Variants in KCNB2 observed in about 807,000 individuals in gnomAD.
KCNB2 encodes delayed rectifier potassium channel protein.
In KCNB2, 15 loss-of-function variants were observed where a neutral mutation model predicts 61.5. The ratio of observed to expected loss-of-function variants is 0.24; its 90% confidence interval spans 0.16 to 0.38. The LOEUF (loss-of-function observed/expected upper bound fraction) is 0.38, where lower values mean the gene tolerates loss of function less well. KCNB2 is among the 10% of genes least tolerant of loss of function. The pLI is 1.00. For missense variants in KCNB2, 828 were observed against 1,125.2 expected (o/e 0.74, Z 3.78); for synonymous variants, 457 against 446.0 (o/e 1.02, Z -0.31).
intron 2 of KCNB2, among the ~76,000 whole-genome samples, chr8:72,601,626 G>C (rs1805353317): frequency 6.6e-6 from 1 of 152,180 alleles, no homozygotes; most frequent in Admixed American, 6.5e-5. Context: ...CTTGATTGAT[G>C]ACTGAACTTC....
Position 72,568,006 on chromosome 8 carries a change from G to A in KCNB2, c.272G>A (p.Arg91Gln). The change falls in exon 2 of 3, where the codon CGG becomes CAG. Residue 91 changes from arginine (R) to glutamine (Q), a missense_variant. Around this residue, in one of 4 missense-constraint regions of KCNB2, gnomAD observed 163 missense variants for 314.4 expected, o/e 0.52. Coordinates refer to ENST00000523207, the MANE Select transcript of KCNB2 (RefSeq NM_004770.3). ...NLNENEYFFD[R>Q]HPGAFTSILN... ...AACGAGAACGAGTATTTCTTTGATC[G>A]GCATCCAGGAGCCTTCACTTCCATT... 1 of 1,614,020 alleles carries A rather than the reference G, an allele frequency of 6.2e-7. No individual in the cohort carries two copies. Among genetic ancestry groups the A allele is most frequent in the Non-Finnish European group, 8.5e-7 (1 of 1,179,990 alleles).
intron 2 of KCNB2, among the ~76,000 whole-genome samples, chr8:72,639,467 G>C (rs977010114): frequency 6.6e-6 from 1 of 151,960 alleles, no homozygotes; most frequent in Non-Finnish European, 1.5e-5. Flanking sequence ...TCTACCTCTG[G>C]CTGTGAGGTT....
intron 2 of KCNB2, among the ~76,000 whole-genome samples, chr8:72,592,642 A>C (rs1381359474): frequency 6.6e-6 from 1 of 152,146 alleles, no homozygotes; most frequent in Non-Finnish European, 1.5e-5. Context: ...TCAAGAGTCA[A>C]TGTGCAATTT....
At chr8:72,740,392 C>T (rs1807930188) in intron 2 of KCNB2, among the ~76,000 whole-genome samples, 1 of 152,126 alleles carries the variant, frequency 6.6e-6, no homozygotes. Context: ...CAGCTCTCAA[C>T]GTAACTGGCT....
At chr8:72,842,123 GTTGAGAGT>G (rs1200557679) in intron 2 of KCNB2, among the ~76,000 whole-genome samples, 1 of 6,132 alleles carries the variant, frequency 1.6e-4, no homozygotes, top group East Asian at 7.0e-4. Flanking sequence ...TTTATTGAGA[GTTGAGAGT>G]TTTTAGCTTG....
At chr8:72,698,001 C>T (rs931373830) in intron 2 of KCNB2, among the ~76,000 whole-genome samples, 3 of 151,954 alleles carry the variant, frequency 2.0e-5, no homozygotes, top group African/African-American at 7.3e-5. Context: ...TTGAGAATCA[C>T]CATTCTGCAA....
intron 2 of KCNB2, among the ~76,000 whole-genome samples, chr8:72,637,614 CCT>C (rs142576066): frequency 4.0e-5 from 6 of 150,868 alleles, no homozygotes; most frequent in South Asian, 2.1e-4. Flanking sequence ...ACTGTTATAG[CCT>C]CTCTCTCTCT....
intron 2 of KCNB2, among the ~76,000 whole-genome samples, chr8:72,914,638 T>C (rs889761364): frequency 3.3e-5 from 5 of 152,166 alleles, no homozygotes; most frequent in South Asian, 2.1e-4. Context: ...CTAAACAGGA[T>C]ACTTTGATCT....
At chr8:72,762,417 T>C (rs1808396348) in intron 2 of KCNB2, among the ~76,000 whole-genome samples, 1 of 152,220 alleles carries the variant, frequency 6.6e-6, no homozygotes, top group Non-Finnish European at 1.5e-5. Flanking sequence ...TTAATGGAAT[T>C]TCACTTAGAA....
intron 2 of KCNB2, among the ~76,000 whole-genome samples, chr8:72,841,193 T>C (rs1404980606): frequency 6.6e-6 from 1 of 152,128 alleles, no homozygotes; most frequent in Admixed American, 6.5e-5. Flanking sequence ...TTGTCAGGTT[T>C]GTCAAAGATC....
At chr8:72,920,948 G>C (rs191565329) in intron 2 of KCNB2, among the ~76,000 whole-genome samples, 225 of 152,204 alleles carry the variant, frequency 1.5e-3, no homozygotes, top group Admixed American at 3.7e-3. Flanking sequence ...ATACACAGGG[G>C]TATAACAGGT....
chr8:72,683,965 A>G (rs1806806430), intron 2 of KCNB2, among the ~76,000 whole-genome samples: 1 of 152,192 alleles, frequency 6.6e-6, no homozygotes, highest in South Asian at 2.1e-4. Context: ...AATGATGGGT[A>G]GAGATTGAAG....
At chr8:72,729,298 A>AT (rs1365573447) in intron 2 of KCNB2, among the ~76,000 whole-genome samples, 2 of 152,040 alleles carry the variant, frequency 1.3e-5, no homozygotes, top group East Asian at 1.9e-4. Flanking sequence ...TCCATTTTCT[A>AT]TTTTTTTAAT....
intron 2 of KCNB2, among the ~76,000 whole-genome samples, chr8:72,692,473 T>C (rs1022762017): frequency 6.6e-6 from 1 of 152,078 alleles, no homozygotes; most frequent in Non-Finnish European, 1.5e-5. Flanking sequence ...GAATATAGTT[T>C]GTTGTTATTT....
intron 2 of KCNB2, among the ~76,000 whole-genome samples, chr8:72,914,906 CTTT>C (rs369558325): frequency 7.3e-5 from 10 of 136,218 alleles, no homozygotes; most frequent in South Asian, 2.4e-4. Context: ...GACTAATCTT[CTTT>C]TTTTTTTTTT....
intron 2 of KCNB2, among the ~76,000 whole-genome samples, chr8:72,899,383 G>T (rs1242804925): frequency 6.6e-6 from 1 of 152,122 alleles, no homozygotes; most frequent in Non-Finnish European, 1.5e-5. Flanking sequence ...CCTAGCCAGA[G>T]CAATCAGGCA....
intron 1 of KCNB2, among the ~76,000 whole-genome samples, chr8:72,547,993 T>C (rs1366736826): frequency 6.6e-6 from 1 of 152,128 alleles, no homozygotes; most frequent in Non-Finnish European, 1.5e-5. Context: ...CAGCTACCAC[T>C]GAGATCAGTC....
chr8:72,866,332 T>A (rs1805517679), intron 2 of KCNB2, among the ~76,000 whole-genome samples: 1 of 152,210 alleles, frequency 6.6e-6, no homozygotes. Flanking sequence ...ACATTGGTGA[T>A]ATCTGAATTC....
chr8:72,640,862 G>A (rs1455784708), intron 2 of KCNB2, among the ~76,000 whole-genome samples: 2 of 152,018 alleles, frequency 1.3e-5, no homozygotes, highest in Non-Finnish European at 2.9e-5. Context: ...CAATTTTATA[G>A]TAGAAGTGTT....
Sources: allele counts gnomAD v4.1 joint callset (sites outside exome capture counted in the v4.1 genomes callset), GRCh38; gene constraint gnomAD v4.1.1; regional missense constraint gnomAD v4.1.1; transcripts MANE v1.5; gene names NCBI Gene and HGNC (gene_info 2026-07-23, HGNC 2026-07-21).